DACH2: variants seen among roughly 807,000 people sequenced by gnomAD.
The protein encoded by DACH2 is dachshund homolog 2.
In DACH2, 17 loss-of-function variants were observed where a neutral mutation model predicts 35.8. The ratio of observed to expected loss-of-function variants is 0.48; its 90% CI spans 0.33 to 0.71. DACH2 has a LOEUF of 0.71. Ranked by LOEUF, DACH2 falls within the 30% of genes least tolerant of loss-of-function variation. The pLI is 0.02. For missense variants in DACH2, 469 were observed against 472.7 expected (o/e 0.99, Z 0.07); for synonymous variants, 195 against 177.3 (o/e 1.10, Z -0.79).
intron 1 of DACH2, among the ~76,000 whole-genome samples, chrX:86,172,258 A>T (rs759164140): frequency 8.9e-6 from 1 of 112,106 alleles, no homozygotes; most frequent in African/African-American, 3.2e-5. Flanking sequence ...TTGTGGTGAA[A>T]TTTCTAAATT....
chrX:86,336,540 G>T (rs915983210), intron 1 of DACH2, among the ~76,000 whole-genome samples: 1 of 111,673 alleles, frequency 9.0e-6, no homozygotes, highest in African/African-American at 3.3e-5. Flanking sequence ...CAGAAAGGAA[G>T]AGCATATCCA....
At chrX:86,232,825 G>A (rs938261343) in intron 1 of DACH2, among the ~76,000 whole-genome samples, 2 of 111,943 alleles carry the variant, frequency 1.8e-5, no homozygotes, top group African/African-American at 6.5e-5. Flanking sequence ...ATTCAACCCA[G>A]CAATCTCATT....
intron 1 of DACH2, among the ~76,000 whole-genome samples, chrX:86,262,132 A>AAC (rs1556005870): frequency 4.0e-4 from 43 of 107,949 alleles, no homozygotes; most frequent in Admixed American, 1.9e-3. Flanking sequence ...GAAAAAAAAA[A>AAC]ACACACACTA....
chrX:86,681,594 C>CCTCT (rs113903178), intron 4 of DACH2, among the ~76,000 whole-genome samples: 1 of 96,665 alleles, frequency 1.0e-5, no homozygotes, highest in Admixed American at 1.2e-4. Context: ...TCTCTTTCTC[C>CCTCT]CTCTCTCTCT....
intron 1 of DACH2, among the ~76,000 whole-genome samples, chrX:86,289,523 A>G (rs1442432655): frequency 5.8e-5 from 6 of 103,852 alleles, no homozygotes; most frequent in Non-Finnish European, 1.2e-4. Context: ...TGCACCCACT[A>G]ACTCATCATC....
At chrX:86,708,029 A>T (rs772374025) in intron 5 of DACH2, among the ~76,000 whole-genome samples, 1 of 109,382 alleles carries the variant, frequency 9.1e-6, no homozygotes, top group Admixed American at 9.9e-5. Flanking sequence ...TAGGCTAGAG[A>T]ATAAAAATAA....
At chrX:86,702,773 T>A (rs1169878859) in intron 5 of DACH2, among the ~76,000 whole-genome samples, 1 of 111,266 alleles carries the variant, frequency 9.0e-6, no homozygotes, top group Non-Finnish European at 1.9e-5. Flanking sequence ...TGAGATTGAA[T>A]CACTAATTTA....
intron 3 of DACH2, among the ~76,000 whole-genome samples, chrX:86,527,758 T>C (rs193260428): frequency 8.9e-6 from 1 of 111,998 alleles, no homozygotes; most frequent in East Asian, 2.8e-4. Context: ...TCTATGTTTA[T>C]AGGAAACTTT....
chrX:86,429,382 G>C (rs977538588), intron 2 of DACH2, among the ~76,000 whole-genome samples: 22 of 110,976 alleles, frequency 2.0e-4, no homozygotes, highest in East Asian at 2.8e-4. Context: ...ATCTGATTTT[G>C]ATATGGGAAA....
chrX:86,250,149 C>T (rs1049055661), intron 1 of DACH2, among the ~76,000 whole-genome samples: 1 of 111,416 alleles, frequency 9.0e-6, no homozygotes, highest in South Asian at 3.7e-4. Context: ...CAAACCCCTG[C>T]ATTCCACAAT....
Position 86,832,201 on chromosome X carries a change from G to GT in DACH2, c.*49dup. ...ATAAATGAAGATGCTTGTGATTCCA[G>GT]TTTATCTCTGAAACTATTCAACATG... On this transcript the variant is annotated 3_prime_UTR_variant, in exon 12 of 12. Coordinates refer to ENST00000373125, the MANE Select transcript of DACH2 (RefSeq NM_053281.3). The GT allele has an allele frequency of 1.0e-6, 1 of 998,978 alleles. No individual in the cohort carries two copies. 82.3% of individuals were successfully genotyped at this position (998,978 alleles called of 1,213,427 possible). A position where few individuals can be genotyped will look rare whatever the true frequency, so the allele number is the denominator to read the frequency against.
intron 1 of DACH2, among the ~76,000 whole-genome samples, chrX:86,152,452 T>C (rs2030398149): frequency 8.9e-6 from 1 of 111,876 alleles, no homozygotes; most frequent in East Asian, 2.8e-4. Flanking sequence ...CATAATTGTT[T>C]CTTTGATAGT....
intron 1 of DACH2, among the ~76,000 whole-genome samples, chrX:86,325,105 T>G (rs945050627): frequency 2.7e-5 from 3 of 111,502 alleles, no homozygotes; most frequent in Non-Finnish European, 5.6e-5. Flanking sequence ...GAAAAAAAAT[T>G]GTGACTTGGT....
intron 6 of DACH2, among the ~76,000 whole-genome samples, chrX:86,729,629 T>C (rs1475713352): frequency 3.6e-5 from 4 of 111,978 alleles, no homozygotes; most frequent in African/African-American, 1.3e-4. Flanking sequence ...ATCCCCAATG[T>C]TGGAGGTGGT....
At chrX:86,289,216 C>T (rs1272484322) in intron 1 of DACH2, among the ~76,000 whole-genome samples, 2 of 107,090 alleles carry the variant, frequency 1.9e-5, no homozygotes, top group Non-Finnish European at 3.8e-5. Context: ...TCATGACTGA[C>T]CAGTGCCCTA....
intron 2 of DACH2, among the ~76,000 whole-genome samples, chrX:86,412,675 G>GA (rs1174255919): frequency 1.8e-5 from 2 of 111,700 alleles, no homozygotes; most frequent in African/African-American, 6.5e-5. Flanking sequence ...AGTCTTGGTA[G>GA]AAGATGGCAG....
chrX:86,690,956 A>T (rs192812238), intron 4 of DACH2, among the ~76,000 whole-genome samples: 4 of 112,142 alleles, frequency 3.6e-5, no homozygotes, highest in Non-Finnish European at 7.5e-5. Flanking sequence ...AAAAGCTCAA[A>T]TAAATTATTC....
intron 1 of DACH2, among the ~76,000 whole-genome samples, chrX:86,156,895 T>C (rs1190493527): frequency 9.0e-6 from 1 of 111,410 alleles, no homozygotes; most frequent in Non-Finnish European, 1.9e-5. Context: ...ATTTTTTTCC[T>C]GAATAATCTT....
At chrX:86,646,099 G>A (rs772795999) in intron 3 of DACH2, among the ~76,000 whole-genome samples, 2 of 111,489 alleles carry the variant, frequency 1.8e-5, no homozygotes, top group Admixed American at 1.9e-4. Context: ...TACAACATGG[G>A]ATACTATTTA....
Sources: allele counts gnomAD v4.1 joint callset (sites outside exome capture counted in the v4.1 genomes callset), GRCh38; gene constraint gnomAD v4.1.1; transcripts MANE v1.5; gene names NCBI Gene and HGNC (gene_info 2026-07-23, HGNC 2026-07-21).